The following ST6GALNAC3 variants were observed in gnomAD, a reference collection of about 807,000 sequenced individuals.
The protein encoded by ST6GALNAC3 is alpha-N-acetylgalactosaminide alpha-2,6-sialyltransferase 3.
ST6GALNAC3 carries 25 observed loss-of-function variants against 32.7 expected under a neutral mutation model. That is an observed-to-expected ratio of 0.76 (90% CI 0.56 to 1.07). The LOEUF (loss-of-function observed/expected upper bound fraction) is 1.07. ST6GALNAC3 is among the 50% of genes least tolerant of loss of function. The pLI is 0.00. For synonymous variants in ST6GALNAC3, 129 were observed against 133.1 expected, an observed-to-expected ratio of 0.97 and a Z score of 0.21; for missense variants, 355 against 382.4, an observed-to-expected ratio of 0.93 and a Z score of 0.60.
rs377659224 is a variant in ST6GALNAC3, at chr1:76,138,969, C to T, written c.18+64085C>T. 1.8e-4 allele frequency among the ~76,000 whole-genome samples: 27 copies of T among 152,120 alleles called. No individual in the cohort carries two copies. In the East Asian group the frequency reaches 2.9e-3, roughly 16 times the overall value. ...CAGCACTTTGGGAGGCCGAGGCGGG[C>T]GGATTACGAGGTCAGGAGATCGAGA... On this transcript the variant is annotated intron_variant, in intron 1 of 4. Coordinates refer to ENST00000328299, the MANE Select transcript of ST6GALNAC3 (RefSeq NM_152996.4).
chr1:76,631,004 A>G lies in ST6GALNAC3; in HGVS notation c.*2198A>G. On this transcript the variant is annotated 3_prime_UTR_variant, in exon 5 of 5. Coordinates refer to ENST00000328299, the MANE Select transcript of ST6GALNAC3 (RefSeq NM_152996.4). The stretch of plus-strand genomic sequence containing the variant: ...TAGTTTTCTAATAAATGAAGGGCCA[A>G]CTCTTATTTGTTCTAGCCCCTACTG... 1.0e-6 allele frequency: 1 copy of G among 985,642 alleles called. No homozygotes were observed. The highest frequency in any genetic ancestry group is 1.2e-6 in the Non-Finnish European group (1 of 829,842). 61.1% of individuals were successfully genotyped at this position (985,642 alleles called of 1,614,324 possible).
At chr1:76,092,593 G>A (rs1392632617) in intron 1 of ST6GALNAC3, among the ~76,000 whole-genome samples, 1 of 152,186 alleles carries the variant, frequency 6.6e-6, no homozygotes, top group Admixed American at 6.5e-5. Flanking sequence ...GCTAGATGCA[G>A]GGATGGCTTC....
chr1:76,454,473 G>T (rs920992384), intron 3 of ST6GALNAC3, among the ~76,000 whole-genome samples: 2 of 152,110 alleles, frequency 1.3e-5, no homozygotes, highest in Non-Finnish European at 1.5e-5. Context: ...TATAGTGCTA[G>T]CTTGGTAGTA....
At chr1:76,311,175 C>T (rs1345636263) in intron 1 of ST6GALNAC3, among the ~76,000 whole-genome samples, 1 of 152,096 alleles carries the variant, frequency 6.6e-6, no homozygotes, top group African/African-American at 2.4e-5. Flanking sequence ...TTGGGATAGC[C>T]TCCTAACTAG....
intron 2 of ST6GALNAC3, among the ~76,000 whole-genome samples, chr1:76,383,201 T>C (rs1208391801): frequency 1.3e-5 from 2 of 152,126 alleles, no homozygotes; most frequent in African/African-American, 4.8e-5. Flanking sequence ...ATAAAATATT[T>C]GTGGATAAAC....
intron 3 of ST6GALNAC3, among the ~76,000 whole-genome samples, chr1:76,461,531 CCTT>C (rs1484611606): frequency 7.2e-5 from 11 of 152,166 alleles, no homozygotes; most frequent in African/African-American, 2.7e-4. Flanking sequence ...TATATCAGCT[CCTT>C]CTTCTCCAGA....
At chr1:76,602,426 G>A (rs1357671159) in intron 3 of ST6GALNAC3, among the ~76,000 whole-genome samples, 1 of 152,094 alleles carries the variant, frequency 6.6e-6, no homozygotes, top group Non-Finnish European at 1.5e-5. Flanking sequence ...TCTAAGGAGG[G>A]ACCAGGAAGG....
chr1:76,558,492 G>GA (rs1205525333), intron 3 of ST6GALNAC3, among the ~76,000 whole-genome samples: 2 of 152,164 alleles, frequency 1.3e-5, no homozygotes, highest in African/African-American at 4.8e-5. Context: ...CTCAGGAACA[G>GA]AAAATCAAAT....
chr1:76,402,107 G>A, intron 2 of ST6GALNAC3, among the ~76,000 whole-genome samples: 1 of 152,042 alleles, frequency 6.6e-6, no homozygotes, highest in East Asian at 1.9e-4. Flanking sequence ...CATTGTTGAA[G>A]TCAAAGTTCT....
intron 2 of ST6GALNAC3, chr1:76,354,108 C>T (rs1649239572): frequency 6.5e-6 from 1 of 153,332 alleles, no homozygotes; most frequent in African/African-American, 2.4e-5. Flanking sequence ...ATCCACTCTC[C>T]TTCTCTTTCT....
rs77040818 is a variant in ST6GALNAC3 at position 76,261,977 on chromosome 1, C to T, written c.19-51828C>T. Among the ~76,000 whole-genome samples the T allele has an allele frequency of 1.6e-4, 25 of 152,250 alleles. No homozygotes were observed. The East Asian group carries it at 3.3e-3, about 20-fold the overall frequency. On this transcript the variant is annotated intron_variant, in intron 1 of 4. Transcript: ENST00000328299. ...AGTTTTACCAAGGAAATGTTTTTCA[C>T]GCGGAAAGAAGACTGAGATGAAACT...
chr1:76,094,307 G>A (rs1459200331), intron 1 of ST6GALNAC3, among the ~76,000 whole-genome samples: 1 of 152,200 alleles, frequency 6.6e-6, no homozygotes, highest in Non-Finnish European at 1.5e-5. Context: ...AGAAAGGTAG[G>A]TGGGGACCAA....
At chr1:76,530,744 G>A (rs1003366220) in intron 3 of ST6GALNAC3, among the ~76,000 whole-genome samples, 3 of 152,110 alleles carry the variant, frequency 2.0e-5, no homozygotes, top group African/African-American at 7.2e-5. Flanking sequence ...CACCCATTTC[G>A]TGGATAAGGG....
intron 3 of ST6GALNAC3, among the ~76,000 whole-genome samples, chr1:76,535,253 T>C (rs188918921): frequency 1.3e-5 from 2 of 152,178 alleles, no homozygotes; most frequent in Admixed American, 6.6e-5. Context: ...TAGTGTCTAC[T>C]ATTATTTTTA....
chr1:76,159,932 A>G (rs1278156822), intron 1 of ST6GALNAC3, among the ~76,000 whole-genome samples: 2 of 152,186 alleles, frequency 1.3e-5, no homozygotes, highest in Non-Finnish European at 2.9e-5. Flanking sequence ...CACTTGCTCA[A>G]TCTTTATAAA....
intron 3 of ST6GALNAC3, among the ~76,000 whole-genome samples, chr1:76,461,795 A>G (rs1302977006): frequency 1.3e-5 from 2 of 152,180 alleles, no homozygotes; most frequent in Non-Finnish European, 2.9e-5. Flanking sequence ...ACTTAATCCT[A>G]TTGAAACCCC....
Position 76,483,329 on chromosome 1 carries a change from AC to A in ST6GALNAC3, c.623+70913del, listed in dbSNP as rs375535277. 8.3e-4 allele frequency among the ~76,000 whole-genome samples: 126 copies of A among 152,270 alleles called. No homozygotes were observed. The East Asian group carries it at 0.019, about 23-fold the overall frequency. On this transcript the variant is annotated intron_variant, in intron 3 of 4. Coordinates refer to ENST00000328299, the MANE Select transcript of ST6GALNAC3 (RefSeq NM_152996.4). ...TCTTCCACAATGGTTGAACTAGTTT[AC>A]AGTCCCACCAACAGTGTAAAAGTGT...
chr1:76,243,402 T>C (rs1189413384), intron 1 of ST6GALNAC3, among the ~76,000 whole-genome samples: 1 of 152,228 alleles, frequency 6.6e-6, no homozygotes, highest in East Asian at 1.9e-4. Context: ...ATTCTGTATG[T>C]TGCCTGTTCA....
rs1016641701 is a variant in ST6GALNAC3, at chr1:76,101,712, A to T, written c.18+26828A>T. On this transcript the variant is annotated intron_variant, in intron 1 of 4. Transcript: ENST00000328299. ...TTACACAATAGGGTTCCCCTTAAGT[A>T]CTGTTTTTGCTGTTTTAGATGAAAT... Among the ~76,000 whole-genome samples, 4 of 152,150 alleles carry T rather than the reference A, an allele frequency of 2.6e-5. No homozygotes were observed. The South Asian group carries it at 8.3e-4, about 31-fold the overall frequency.
Sources: allele counts gnomAD v4.1 joint callset (sites outside exome capture counted in the v4.1 genomes callset), GRCh38; gene constraint gnomAD v4.1.1; transcripts MANE v1.5; gene names NCBI Gene and HGNC (gene_info 2026-07-23, HGNC 2026-07-21).